Variants in KLRG1 observed in about 807,000 individuals in gnomAD.
KLRG1 encodes killer cell lectin-like receptor subfamily G member 1.
A neutral mutation model predicts 21.8 loss-of-function variants in KLRG1; 16 were observed. That is an observed-to-expected ratio of 0.73 (90% CI 0.50 to 1.11). The LOEUF is 1.11. KLRG1 is among the 50% of genes most tolerant of loss of function. KLRG1 has a pLI of 0.00. For synonymous variants in KLRG1, 69 were observed against 75.9 expected, an observed-to-expected ratio of 0.91 and a Z score of 0.47; for missense variants, 173 against 218.3, an observed-to-expected ratio of 0.79 and a Z score of 1.31.
At chr12:8,963,516 C>T (rs1946414299) in intron 1 of KLRG1, among the ~76,000 whole-genome samples, 1 of 152,150 alleles carries the variant, frequency 6.6e-6, no homozygotes, top group Admixed American at 6.6e-5. Flanking sequence ...GTGTCTCTGC[C>T]AGGCTTTGGT....
At chr12:9,092,264 A>G in the KLRG1 span, among the ~76,000 whole-genome samples, 31 of 152,234 alleles carry the variant, frequency 2.0e-4, no homozygotes, top group East Asian at 2.3e-3. Flanking sequence ...AAGCACCCCA[A>G]TGTTTACAGC....
At chr12:9,098,633 G>C in the KLRG1 span, 11 of 1,607,516 alleles carry the variant, frequency 6.8e-6, no homozygotes, top group African/African-American at 1.2e-4. Flanking sequence ...TCAGCATCAG[G>C]CTTCATGAGC....
At chr12:9,207,896 G>GTA in the KLRG1 span, among the ~76,000 whole-genome samples, 32 of 151,666 alleles carry the variant, frequency 2.1e-4, no homozygotes, top group South Asian at 8.3e-4. Context: ...TATACTTTCT[G>GTA]TATATATATA....
the KLRG1 span, among the ~76,000 whole-genome samples, chr12:9,083,935 TAAAG>T: frequency 6.6e-6 from 1 of 151,900 alleles, no homozygotes; most frequent in Non-Finnish European, 1.5e-5. Context: ...CAGAAGGTGA[TAAAG>T]AAACATATCA....
the KLRG1 span, chr12:9,068,798 A>G: frequency 3.1e-6 from 5 of 1,609,072 alleles, no homozygotes; most frequent in Admixed American, 1.7e-5. Flanking sequence ...TTACTGGGAC[A>G]TCTTGCAGAA....
the KLRG1 span, among the ~76,000 whole-genome samples, chr12:9,213,037 A>ACATTTCAT: frequency 6.6e-6 from 1 of 152,228 alleles, no homozygotes; most frequent in African/African-American, 2.4e-5. Context: ...ACCTATTTGG[A>ACATTTCAT]CATTTCATAT....
chr12:8,958,841 A>G (rs1467040665), intron 1 of KLRG1, among the ~76,000 whole-genome samples: 1 of 146,302 alleles, frequency 6.8e-6, no homozygotes, highest in Non-Finnish European at 1.5e-5. Flanking sequence ...TGGACAACAG[A>G]GTGATACCCT....
the KLRG1 span, among the ~76,000 whole-genome samples, chr12:9,118,562 G>A: frequency 2.6e-5 from 4 of 152,212 alleles, no homozygotes; most frequent in Non-Finnish European, 5.9e-5. Flanking sequence ...GGACCTTTAT[G>A]TGACAGAGAA....
chr12:9,122,860 T>C, the KLRG1 span, among the ~76,000 whole-genome samples: 1 of 152,110 alleles, frequency 6.6e-6, no homozygotes, highest in Non-Finnish European at 1.5e-5. Context: ...GAAGGTTAAA[T>C]TACAAGTTAT....
chr12:9,171,585 GA>G, the KLRG1 span, among the ~76,000 whole-genome samples: 5 of 152,130 alleles, frequency 3.3e-5, no homozygotes, highest in African/African-American at 9.7e-5. Flanking sequence ...AAGAAGCTGA[GA>G]ATCATGATAA....
the KLRG1 span, chr12:9,135,049 G>A: frequency 4.6e-5 from 8 of 172,132 alleles, no homozygotes; most frequent in South Asian, 8.8e-4. Context: ...TTCCCGGGCC[G>A]CCCCACCTCT....
At chr12:9,122,715 A>G in the KLRG1 span, among the ~76,000 whole-genome samples, 5 of 152,174 alleles carry the variant, frequency 3.3e-5, no homozygotes, top group Non-Finnish European at 5.9e-5. Flanking sequence ...AAAAGTAATT[A>G]TGGAATATAT....
At chr12:9,052,922 C>G in the KLRG1 span, 27 of 418,312 alleles carry the variant, frequency 6.5e-5, no homozygotes, top group East Asian at 1.9e-3. Context: ...CCTTCTATCT[C>G]TTTTGTGCTT....
At chr12:9,060,941 A>G in the KLRG1 span, among the ~76,000 whole-genome samples, 1 of 152,146 alleles carries the variant, frequency 6.6e-6, no homozygotes, top group Non-Finnish European at 1.5e-5. Flanking sequence ...TGCTTAATTA[A>G]TATGTCTTGC....
chr12:9,016,399 A>T, the KLRG1 span, among the ~76,000 whole-genome samples: 6 of 152,184 alleles, frequency 3.9e-5, no homozygotes, highest in African/African-American at 1.2e-4. Flanking sequence ...TAAATTGAAA[A>T]ACCTAGAAGA....
At chr12:9,152,255 A>G in the KLRG1 span, 1 of 1,612,932 alleles carries the variant, frequency 6.2e-7, no homozygotes. Context: ...ATAAAACCAG[A>G]TACCATCTTT....
chr12:9,070,494 C>G, the KLRG1 span: 1 of 1,612,634 alleles, frequency 6.2e-7, no homozygotes, highest in African/African-American at 1.3e-5. Context: ...CTACCATTTT[C>G]ACTGTTGGCT....
rs63007561 is a variant in KLRG1 at position 8,951,045 on chromosome 12, A to T, written c.-156+809A>T. On this transcript the variant is annotated intron_variant, in intron 1 of 4. Coordinates refer to the KLRG1 transcript ENST00000539240. The stretch of plus-strand genomic sequence containing the variant: ...GGATGTTGCCCCAATAAAAAAAAAA[A>T]TTAAATTTTTTTCTTCCTGAAAATG... Among the ~76,000 whole-genome samples the T allele has an allele frequency of 4.0e-5, 6 of 151,072 alleles. No individual in the cohort carries two copies. The East Asian group carries it at 5.8e-4, about 15-fold the overall frequency.
chr12:9,185,480 T>C, the KLRG1 span, among the ~76,000 whole-genome samples: 1 of 152,180 alleles, frequency 6.6e-6, no homozygotes, highest in Non-Finnish European at 1.5e-5. Flanking sequence ...TTGAAAGAGA[T>C]GAGCATAATG....
Sources: gnomAD v4.1 joint callset for allele counts (sites outside exome capture counted in the v4.1 genomes callset) on GRCh38, gnomAD v4.1.1 for gene constraint, MANE v1.5 for transcripts, NCBI Gene and HGNC (gene_info 2026-07-23, HGNC 2026-07-21) for gene names.